The following ZFHX3 variants were observed in gnomAD, a reference collection of about 807,000 sequenced individuals.
ZFHX3 encodes the protein zinc finger homeobox protein 3.
Under a neutral mutation model 279.1 loss-of-function variants are expected in ZFHX3, and 42 were observed. The ratio of observed to expected loss-of-function variants is 0.15; its 90% CI spans 0.12 to 0.19. The LOEUF is 0.19. Ranked by LOEUF, ZFHX3 falls within the 10% of genes least tolerant of loss-of-function variation. ZFHX3 has a pLI of 1.00. For synonymous variants in ZFHX3, 2,293 were observed against 1,957.8 expected, an observed-to-expected ratio of 1.17 and a Z score of -4.52; for missense variants, 4,981 against 4,754.0, an observed-to-expected ratio of 1.05 and a Z score of -1.40.
chr16:72,952,145 T>C (rs959025244), intron 2 of ZFHX3, among the ~76,000 whole-genome samples: 2 of 152,018 alleles, frequency 1.3e-5, no homozygotes, highest in African/African-American at 2.4e-5. Context: ...GGGACTGAGA[T>C]GGAAGGATGG....
intron 1 of ZFHX3, among the ~76,000 whole-genome samples, chr16:73,884,767 C>G (rs1391895319): frequency 6.6e-6 from 1 of 152,054 alleles, no homozygotes; most frequent in Non-Finnish European, 1.5e-5. Flanking sequence ...TAAAAATGAC[C>G]CTGTTTATCT....
chr16:72,918,016 G>A (rs973240634), intron 3 of ZFHX3, among the ~76,000 whole-genome samples: 1 of 152,186 alleles, frequency 6.6e-6, no homozygotes, highest in Non-Finnish European at 1.5e-5. Context: ...CAGGTTGAGG[G>A]GACAAGGAGG....
At chr16:73,496,789 T>C (rs183807418) in intron 2 of ZFHX3, among the ~76,000 whole-genome samples, 7 of 151,894 alleles carry the variant, frequency 4.6e-5, no homozygotes, top group African/African-American at 1.7e-4. Flanking sequence ...TGGGAGGCAC[T>C]GGGAGGAGTC....
chr16:73,292,096 A>G (rs1185769257), intron 4 of ZFHX3, among the ~76,000 whole-genome samples: 1 of 152,198 alleles, frequency 6.6e-6, no homozygotes. Context: ...CTTATCTTAT[A>G]GATAGTTGTA....
At chr16:73,425,220 T>G (rs977071995) in intron 3 of ZFHX3, among the ~76,000 whole-genome samples, 7 of 152,234 alleles carry the variant, frequency 4.6e-5, no homozygotes, top group Admixed American at 2.0e-4. Flanking sequence ...TGGCAAGTAC[T>G]TTGTAGACAT....
At chr16:73,705,222 C>T (rs940406501) in intron 1 of ZFHX3, among the ~76,000 whole-genome samples, 3 of 152,052 alleles carry the variant, frequency 2.0e-5, no homozygotes, top group African/African-American at 7.2e-5. Context: ...GTTTAGCAAC[C>T]AATATGCAAA....
At chr16:73,096,979 A>G (rs997527800) in intron 7 of ZFHX3, among the ~76,000 whole-genome samples, 1 of 152,094 alleles carries the variant, frequency 6.6e-6, no homozygotes, top group African/African-American at 2.4e-5. Flanking sequence ...AAGCCAAGGC[A>G]AGAGGAGAAA....
chr16:73,061,900 A>C (rs1965688879), upstream of ZFHX3: 1 of 152,166 alleles, frequency 6.6e-6, no homozygotes, highest in Non-Finnish European at 1.5e-5. Context: ...ATTTGGAGGA[A>C]ATTCTGGATA....
chr16:72,996,009 T>G (rs1238640649), intron 1 of ZFHX3, among the ~76,000 whole-genome samples: 2 of 152,220 alleles, frequency 1.3e-5, no homozygotes, highest in African/African-American at 2.4e-5. Context: ...GGCTCACGTC[T>G]GTAATCCCAA....
chr16:72,855,701 G>A (rs2037738339), intron 4 of ZFHX3, among the ~76,000 whole-genome samples: 1 of 152,166 alleles, frequency 6.6e-6, no homozygotes, highest in South Asian at 2.1e-4. Context: ...CAGGAATATG[G>A]AAAATAATGC....
At chr16:73,026,651 G>A (rs186073663) in intron 1 of ZFHX3, among the ~76,000 whole-genome samples, 115 of 102,334 alleles carry the variant, frequency 1.1e-3, no homozygotes, top group Non-Finnish European at 1.4e-3. Context: ...ACTCTAGCCC[G>A]GCAACAAGAG....
At chr16:73,437,216 T>TC (rs1323293292) in intron 3 of ZFHX3, among the ~76,000 whole-genome samples, 1 of 152,192 alleles carries the variant, frequency 6.6e-6, no homozygotes, top group African/African-American at 2.4e-5. Flanking sequence ...ATACCGTATT[T>TC]TGCAGATGAA....
chr16:72,924,561 AT>A (rs1709699290), intron 3 of ZFHX3, among the ~76,000 whole-genome samples: 1 of 152,208 alleles, frequency 6.6e-6, no homozygotes, highest in South Asian at 2.1e-4. Context: ...CACCCTGGAT[AT>A]TCTCAGGCCG....
chr16:73,405,729 A>C (rs2017346599), intron 3 of ZFHX3, among the ~76,000 whole-genome samples: 1 of 152,152 alleles, frequency 6.6e-6, no homozygotes. Context: ...TAAAAAAGAC[A>C]TTAAATACCA....
intron 1 of ZFHX3, among the ~76,000 whole-genome samples, chr16:73,035,594 A>G (rs1964869631): frequency 1.3e-5 from 2 of 152,232 alleles, no homozygotes; most frequent in African/African-American, 2.4e-5. Flanking sequence ...GCTTTTAAAA[A>G]ATAATAATAG....
chr16:73,409,273 G>T (rs987801641), intron 3 of ZFHX3, among the ~76,000 whole-genome samples: 1 of 152,184 alleles, frequency 6.6e-6, no homozygotes, highest in East Asian at 1.9e-4. Flanking sequence ...GCAAGGAGAA[G>T]AGATATCCTG....
intron 1 of ZFHX3, among the ~76,000 whole-genome samples, chr16:73,787,428 A>G (rs1375060454): frequency 6.6e-6 from 1 of 152,152 alleles, no homozygotes; most frequent in East Asian, 1.9e-4. Flanking sequence ...GACTGAAGAA[A>G]ACTGATGGCA....
intron 3 of ZFHX3, among the ~76,000 whole-genome samples, chr16:73,329,240 G>T (rs568187262): frequency 6.6e-6 from 1 of 152,190 alleles, no homozygotes; most frequent in Non-Finnish European, 1.5e-5. Flanking sequence ...AATTCATCAC[G>T]CTCTTGGCAA....
chr16:73,744,651 T>C (rs1597091911), intron 1 of ZFHX3, among the ~76,000 whole-genome samples: 1 of 152,218 alleles, frequency 6.6e-6, no homozygotes, highest in African/African-American at 2.4e-5. Context: ...TTGGAGCCTC[T>C]GCTGGAGCTC....
Sources: allele counts gnomAD v4.1 joint callset (sites outside exome capture counted in the v4.1 genomes callset), GRCh38; gene constraint gnomAD v4.1.1; transcripts MANE v1.5; gene names NCBI Gene and HGNC (gene_info 2026-07-23, HGNC 2026-07-21).